Variants in FBXO2 observed in about 807,000 individuals in gnomAD.
FBXO2 encodes F-box protein 2, also known as F-box only protein 2.
Under a neutral mutation model 38.6 loss-of-function variants are expected in FBXO2, and 32 were observed. The ratio of observed to expected loss-of-function variants is 0.83; its 90% CI spans 0.62 to 1.11. FBXO2 has a LOEUF of 1.11. Ranked by LOEUF, FBXO2 falls within the 50% of genes most tolerant of loss-of-function variation. The pLI, the probability that FBXO2 is intolerant of heterozygous loss-of-function variation, is 0.00. For synonymous variants in FBXO2, 189 were observed against 182.9 expected, an observed-to-expected ratio of 1.03 and a Z score of -0.27; for missense variants, 450 against 418.3, an observed-to-expected ratio of 1.08 and a Z score of -0.66.
chr1:11,653,799 C>G (rs1278258416), intron 1 of FBXO2, among the ~76,000 whole-genome samples: 1 of 152,166 alleles, frequency 6.6e-6, no homozygotes, highest in Non-Finnish European at 1.5e-5. Context: ...CTGCCCCCAA[C>G]GCTCCCTCAC....
Position 11,649,891 on chromosome 1 carries a change from T to C in FBXO2, c.522-17A>G, listed in dbSNP as rs1190352874. 6.2e-7 allele frequency: 1 copy of C among 1,613,988 alleles called. No homozygotes were observed. The highest frequency in any genetic ancestry group is 8.5e-7 in the Non-Finnish European group (1 of 1,179,992). ...CGACACCACCTGGGAGAACTGGAGTTAGGACAGAGCGAACGCTCCCCCCTT... is the reference window on the plus strand; with the variant it reads ...CGACACCACCTGGGAGAACTGGAGTCAGGACAGAGCGAACGCTCCCCCCTT... On this transcript the variant is annotated splice_polypyrimidine_tract_variant and intron_variant, in intron 3 of 5. Transcript: ENST00000354287.
chr1:11,650,093 C>T lies in FBXO2; in HGVS notation c.392-19G>A. On this transcript the variant is annotated intron_variant, in intron 2 of 5. Transcript: ENST00000354287. ...AAGTCCTCTGTAGGGACACGACAGCCCCACCCTGGTCACTCAGTCCCTGCT... is the reference window on the plus strand; with the variant it reads ...AAGTCCTCTGTAGGGACACGACAGCTCCACCCTGGTCACTCAGTCCCTGCT... 1 of 1,613,526 alleles carries T rather than the reference C, an allele frequency of 6.2e-7. No homozygotes were observed. Among genetic ancestry groups the T allele is most frequent in the South Asian group, 1.1e-5 (1 of 91,024 alleles).
intron 1 of FBXO2, among the ~76,000 whole-genome samples, chr1:11,652,432 T>C (rs1337280170): frequency 6.6e-6 from 1 of 152,192 alleles, no homozygotes; most frequent in Non-Finnish European, 1.5e-5. Flanking sequence ...GTAATCATTG[T>C]GCCAGGCCAT....
In FBXO2 at chr1:11,649,220, G is replaced by T. The variant is rs907948804; in HGVS notation, c.623C>A (p.Ser208Ter). Residue 208 changes from serine to a stop codon, truncating the protein, a stop_gained, in exon 5 of 6, where the codon TCG becomes TAG. Transcript: ENST00000354287. LOFTEE classifies it high-confidence loss of function. ...QPAIVVKDWYSGRSDAGCLYE... is the reference protein window; with the variant it reads ...QPAIVVKDWY ...GAGGCAACCAGCGTCGCTGCGGCCC[G>T]AGTACCTGCTCAGAGGGAGGGAGCG... 5 of 1,393,634 alleles carry T rather than the reference G, an allele frequency of 3.6e-6. No individual in the cohort carries two copies. Among genetic ancestry groups the T allele is most frequent in the Non-Finnish European group, 4.8e-6 (5 of 1,045,088 alleles). 86.3% of individuals were successfully genotyped at this position (1,393,634 alleles called of 1,614,324 possible). A position where few individuals can be genotyped will look rare whatever the true frequency, so the allele number is the denominator to read the frequency against.
chr1:11,651,804 G>T (rs61773908), intron 1 of FBXO2, among the ~76,000 whole-genome samples: 4 of 152,006 alleles, frequency 2.6e-5, no homozygotes, highest in African/African-American at 7.3e-5. Context: ...GCTGAGAAGC[G>T]ATTCTTCTGC....
At chr1:11,653,097 T>C (rs565477939) in intron 1 of FBXO2, among the ~76,000 whole-genome samples, 3 of 152,276 alleles carry the variant, frequency 2.0e-5, no homozygotes, top group East Asian at 3.9e-4. Flanking sequence ...TGCCAGGCCC[T>C]GAAGTCACAT....
rs540696989 is a variant in FBXO2 at position 11,649,933 on chromosome 1, C to T, written c.521+12G>A. ...TCCCCCCTTCCCACCTCCTCCACCCCCTTCTCCTTACTCAAAGGAGGAGGC... is the reference window on the plus strand; with the variant it reads ...TCCCCCCTTCCCACCTCCTCCACCCTCTTCTCCTTACTCAAAGGAGGAGGC... On this transcript the variant is annotated intron_variant, in intron 3 of 5. Transcript: ENST00000354287. The T allele has an allele frequency of 2.0e-5, 33 of 1,614,064 alleles. No homozygotes were observed. The South Asian group carries it at 2.7e-4, about 13-fold the overall frequency.
chr1:11,654,157 G>A lies in FBXO2; in HGVS notation c.22+162C>T, dbSNP rs530851536. ...CCTCCCGCCAGACCAAGATAGCAGA[G>A]AGACGTGCTCTTTGGAGACCGCCTC... On this transcript the variant is annotated intron_variant, in intron 1 of 5. Transcript: ENST00000354287. 1.0e-5 allele frequency: 7 copies of A among 698,030 alleles called. No individual in the cohort carries two copies. In the South Asian group the frequency reaches 1.3e-4, roughly 13 times the overall value. 43.2% of individuals were successfully genotyped at this position (698,030 alleles called of 1,614,324 possible). A position where few individuals can be genotyped will look rare whatever the true frequency, so the allele number is the denominator to read the frequency against.
chr1:11,649,049 C>A (rs1292983757), intron 5 of FBXO2, 38 bp downstream of exon 5: 2 of 1,560,424 alleles, frequency 1.3e-6, no homozygotes, highest in African/African-American at 2.7e-5. Context: ...CCCTCATGTC[C>A]GTGCCCCACC....
At chr1:11,653,831 G>A (rs1639592131) in intron 1 of FBXO2, among the ~76,000 whole-genome samples, 1 of 152,136 alleles carries the variant, frequency 6.6e-6, no homozygotes. Flanking sequence ...TCCCCACTGG[G>A]CATCTCACCA....
chr1:11,649,331 C>G lies in FBXO2; in HGVS notation c.618-106G>C. ...GATGGGGATTTCCACAAAAGTCCTCCTGTGCGCCCAACATCCCTGTCAGCC... is the reference window on the plus strand; with the variant it reads ...GATGGGGATTTCCACAAAAGTCCTCGTGTGCGCCCAACATCCCTGTCAGCC... On this transcript the variant is annotated intron_variant, in intron 4 of 5. Transcript: ENST00000354287. 4.1e-6 allele frequency: 4 copies of G among 976,890 alleles called. No individual in the cohort carries two copies. The South Asian group carries it at 6.5e-5, about 16-fold the overall frequency. The allele number at this position is 976,890 out of a possible 1,614,324, so 60.5% of individuals were successfully genotyped here.
rs767904212 is a variant in FBXO2, at chr1:11,650,668, C to T, written c.189G>A (p.Pro63=). The change falls in exon 2 of 6, where the codon CCG becomes CCA. Residue 63 remains proline, a synonymous_variant. Coordinates refer to ENST00000354287, the MANE Select transcript of FBXO2 (RefSeq NM_012168.6). ...PLLLRVLAAL[P]AAELVQACRL... is the part of the protein sequence containing the mutation. ...GGCAGGCCTGCACCAGCTCGGCGGC[C>T]GGCAGTGCGGCCAGCACGCGCAGCA... is the stretch of plus-strand genomic sequence containing the variant. 5.8e-6 allele frequency: 9 copies of T among 1,544,874 alleles called. No individual in the cohort carries two copies. Among genetic ancestry groups the T allele is most frequent in the Middle Eastern group, 1.8e-4 (1 of 5,582 alleles).
chr1:11,650,448 C>T lies in FBXO2; in HGVS notation c.391+18G>A. The T allele has an allele frequency of 6.2e-7, 1 of 1,602,474 alleles. No individual in the cohort carries two copies. On this transcript the variant is annotated intron_variant, in intron 2 of 5. Coordinates refer to ENST00000354287, the MANE Select transcript of FBXO2 (RefSeq NM_012168.6). ...TCGCAGCAGGGGAAGCTGAGCTCGCCCAGCGAGGGCCTCTCACCTTCCCCA... is the reference window on the plus strand; with the variant it reads ...TCGCAGCAGGGGAAGCTGAGCTCGCTCAGCGAGGGCCTCTCACCTTCCCCA...
Position 11,649,198 on chromosome 1 carries a change from G to A in FBXO2, c.645C>T (p.Cys215=). 1.5e-6 allele frequency: 2 copies of A among 1,372,654 alleles called. No individual in the cohort carries two copies. The highest frequency in any genetic ancestry group is 1.9e-6 in the Non-Finnish European group (2 of 1,034,930). The allele number at this position is 1,372,654 out of a possible 1,614,324, so 85.0% of individuals were successfully genotyped here. A position where few individuals can be genotyped will look rare whatever the true frequency, so the allele number is the denominator to read the frequency against. Residue 215 remains cysteine, a synonymous_variant, in exon 5 of 6, where the codon TGC becomes TGT. Transcript: ENST00000354287. ...DWYSGRSDAG[C]LYELTVKLLS... is the part of the protein sequence containing the mutation. Reference sequence around the variant, plus strand: ...GTAGCTTAACGGTGAGCTCGTAGAGGCAACCAGCGTCGCTGCGGCCCGAGT... The same window carrying A: ...GTAGCTTAACGGTGAGCTCGTAGAGACAACCAGCGTCGCTGCGGCCCGAGT...
intron 4 of FBXO2, 65 bp downstream of exon 4, chr1:11,649,714 A>C: frequency 6.5e-7 from 1 of 1,537,218 alleles, no homozygotes; most frequent in Non-Finnish European, 8.9e-7. Context: ...GGGGTTCCCC[A>C]GCTGGCTCTC....
rs573282990 is a variant in FBXO2, at chr1:11,649,215, G to A, written c.628C>T (p.Arg210Cys). ...TCGTAGAGGCAACCAGCGTCGCTGC[G>A]GCCCGAGTACCTGCTCAGAGGGAGG... The part of the protein sequence containing the change: ...AIVVKDWYSG[R>C]SDAGCLYELT... Residue 210 changes from arginine (R) to cysteine (C), a missense_variant, in exon 5 of 6, where the codon CGC (arginine) becomes TGC (cysteine). By Grantham distance (180) the Arg-to-Cys change is radical. Transcript: ENST00000354287. 2.3e-5 allele frequency: 35 copies of A among 1,543,580 alleles called. No individual in the cohort carries two copies. The African/African-American group carries it at 3.0e-4, about 13-fold the overall frequency.
chr1:11,650,201 G>C, intron 2 of FBXO2, 127 bp from the exon 3 acceptor site: 1 of 1,429,274 alleles, frequency 7.0e-7, no homozygotes, highest in South Asian at 1.3e-5. Flanking sequence ...TGAATGAGAG[G>C]GTGGACCAGT....
At chr1:11,652,913 G>A (rs1044475595) in intron 1 of FBXO2, among the ~76,000 whole-genome samples, 1 of 152,172 alleles carries the variant, frequency 6.6e-6, no homozygotes, top group South Asian at 2.1e-4. Flanking sequence ...CAATCTTACT[G>A]AGTGAACCTC....
rs1226503832 is a variant in FBXO2, at chr1:11,650,722, C to T, written c.135G>A (p.Ala45=). The T allele has an allele frequency of 5.9e-6, 9 of 1,526,242 alleles. 1 individual carries two copies. The highest frequency in any genetic ancestry group is 2.5e-5 in the East Asian group (1 of 39,986). The allele number at this position is 1,526,242 out of a possible 1,614,324, so 94.5% of individuals were successfully genotyped here. The change falls in exon 2 of 6, where the codon GCG becomes GCA. Residue 45 remains alanine (A), a synonymous_variant. Transcript: ENST00000354287. ...GCGGCTCGGGCAGCTCGTCCAGGTA[C>T]GCGGCGGCGGCCGCCGCCTCCTCCT... ...QQEEEAAAAA[A]YLDELPEPLL...
Sources: gnomAD v4.1 joint callset for allele counts (sites outside exome capture counted in the v4.1 genomes callset) on GRCh38, gnomAD v4.1.1 for gene constraint, MANE v1.5 for transcripts, NCBI Gene and HGNC (gene_info 2026-07-23, HGNC 2026-07-21) for gene names.